The following FREM1 variants were observed in gnomAD, a reference collection of about 807,000 sequenced individuals.
FREM1 encodes the protein FRAS1 related extracellular matrix 1.
Under a neutral mutation model 210.1 loss-of-function variants are expected in FREM1, and 220 were observed. That is an observed-to-expected ratio of 1.05 (90% CI 0.94 to 1.17). The LOEUF is 1.17. Ranked by LOEUF, FREM1 falls within the 50% of genes most tolerant of loss-of-function variation. The pLI is 0.00. For missense variants in FREM1, 3,454 were observed against 2,675.5 expected (o/e 1.29, Z -6.42); for synonymous variants, 1,189 against 980.2 (o/e 1.21, Z -3.98).
At chr9:14,834,938 A>G (rs1824266151) in intron 10 of FREM1, among the ~76,000 whole-genome samples, 1 of 152,164 alleles carries the variant, frequency 6.6e-6, no homozygotes, top group Non-Finnish European at 1.5e-5. Flanking sequence ...TTCACAGACA[A>G]TTGTTGTCTT....
In FREM1 at chr9:14,747,387, G is replaced by C. The variant is rs755712880; in HGVS notation, c.5886C>G (p.Phe1962Leu). 2 of 1,613,474 alleles carry C rather than the reference G, an allele frequency of 1.2e-6. No individual in the cohort carries two copies. Among genetic ancestry groups the C allele is most frequent in the African/African-American group, 2.7e-5 (2 of 74,848 alleles). The change falls in exon 33 of 37, where the codon TTC (phenylalanine) becomes TTG (leucine). Residue 1962 changes from phenylalanine (F) to leucine (L), a missense_variant. Coordinates refer to ENST00000380880, the MANE Select transcript of FREM1 (RefSeq NM_001379081.2). ...CTTTGGCCTTCCTTTTGTGAGTTGG[G>C]AAACTGTCATCCTCCAGTTTCAAGG... ...IVSLKLEDDS[F>L]PTHKRKAKVS...
chr9:14,789,481 C>A (rs1284217674), intron 22 of FREM1, among the ~76,000 whole-genome samples: 1 of 152,120 alleles, frequency 6.6e-6, no homozygotes, highest in Non-Finnish European at 1.5e-5. Flanking sequence ...AAATGTATTT[C>A]TTTCAGAGTT....
intron 24 of FREM1, among the ~76,000 whole-genome samples, chr9:14,783,434 A>G (rs1485589019): frequency 6.6e-6 from 1 of 152,196 alleles, no homozygotes; most frequent in African/African-American, 2.4e-5. Context: ...TGAAAATTGC[A>G]CCAGGAACCA....
intron 1 of FREM1, among the ~76,000 whole-genome samples, chr9:14,907,606 C>A (rs1817999248): frequency 1.3e-5 from 2 of 152,160 alleles, no homozygotes; most frequent in Admixed American, 1.3e-4. Flanking sequence ...CAGGGAGTTA[C>A]GGGATCCCAT....
At chr9:14,876,052 G>C (rs1833657753) in intron 1 of FREM1, among the ~76,000 whole-genome samples, 1 of 152,152 alleles carries the variant, frequency 6.6e-6, no homozygotes, top group Admixed American at 6.5e-5. Context: ...TCTCAGAGGA[G>C]TACCCGGCCG....
At chr9:14,799,400 A>C (rs1445879220) in intron 20 of FREM1, among the ~76,000 whole-genome samples, 1 of 152,194 alleles carries the variant, frequency 6.6e-6, no homozygotes, top group East Asian at 1.9e-4. Flanking sequence ...TTTTTAAAAA[A>C]TGTAGCCATA....
At chr9:14,909,201 A>T (rs1818310900) in intron 1 of FREM1, among the ~76,000 whole-genome samples, 1 of 152,230 alleles carries the variant, frequency 6.6e-6, no homozygotes, top group Admixed American at 6.5e-5. Flanking sequence ...TTAAAAAAAA[A>T]TCAGAAACTA....
In FREM1 at chr9:14,857,702, A is replaced by C. The variant is rs775677941; in HGVS notation, c.679T>G (p.Leu227Val). The C allele has an allele frequency of 1.2e-6, 2 of 1,613,368 alleles. No homozygotes were observed. The highest frequency in any genetic ancestry group is 2.2e-5 in the East Asian group (1 of 44,878). Residue 227 changes from leucine (L) to valine (V), a missense_variant, in exon 5 of 37, where the codon TTA becomes GTA. Transcript: ENST00000380880. ...ACTTTGAGGCTTCCTATTTTCTTTA[A>C]TCCTGGGGTACAGCTCCCACCTGGA... ...KCPGGSCTPG[L>V]KKIGSLKVSC...
chr9:14,886,317 C>T (rs972900756), intron 1 of FREM1, among the ~76,000 whole-genome samples: 56 of 119,092 alleles, frequency 4.7e-4, no homozygotes, highest in African/African-American at 1.8e-3. Context: ...ACCCTGGAGG[C>T]GGAGGTTGCA....
intron 10 of FREM1, among the ~76,000 whole-genome samples, chr9:14,830,734 C>T (rs900732907): frequency 2.0e-5 from 3 of 152,140 alleles, no homozygotes; most frequent in Admixed American, 1.3e-4. Flanking sequence ...AACCACTCCA[C>T]GTGTGTCCGT....
intron 9 of FREM1, 112 bp from the exon 10 acceptor site, chr9:14,841,701 C>CTAG: frequency 1.5e-6 from 1 of 651,980 alleles, no homozygotes; most frequent in Non-Finnish European, 2.4e-6. Flanking sequence ...ATTCTATGTA[C>CTAG]CCAAGGAATC....
At position 14,856,337 on chromosome 9, in the gene FREM1, T is replaced by C. The variant is rs117742304; in HGVS notation, c.828+1216A>G. Among the ~76,000 whole-genome samples the C allele has an allele frequency of 2.7e-4, 41 of 152,346 alleles. No homozygotes were observed. In the East Asian group the frequency reaches 7.9e-3, roughly 29 times the overall value. ...ACTCAGAAATTTATCCTTGAAAAGC[T>C]ACCCAAGTGATTTACCTGATCAATT... On this transcript the variant is annotated intron_variant, in intron 5 of 36. Transcript: ENST00000380880.
At chr9:14,840,761 C>T (rs1484073030) in intron 10 of FREM1, among the ~76,000 whole-genome samples, 1 of 152,174 alleles carries the variant, frequency 6.6e-6, no homozygotes, top group Non-Finnish European at 1.5e-5. Context: ...CCAGCCTCTC[C>T]TTTCAAGGAG....
chr9:14,830,699 G>T (rs1823397920), intron 10 of FREM1, among the ~76,000 whole-genome samples: 1 of 151,884 alleles, frequency 6.6e-6, no homozygotes, highest in African/African-American at 2.4e-5. Flanking sequence ...CTTCCTTCTT[G>T]CCTATTAAAT....
rs1287684751 is a variant in FREM1, at chr9:14,801,807, T to A, written c.3539A>T (p.Gln1180Leu). 2 of 1,613,868 alleles carry A rather than the reference T, an allele frequency of 1.2e-6. No individual in the cohort carries two copies. Among genetic ancestry groups the A allele is most frequent in the Non-Finnish European group, 1.7e-6 (2 of 1,179,896 alleles). The part of the protein sequence containing the change: ...IISAVDLDIP[Q>L]DALLFSITQK... ...AGTGATGCTGAACAGCAGGGCATCC[T>A]GGGGAATGTCCAGGTCCACAGCGCT... is the stretch of plus-strand genomic sequence containing the variant. Residue 1180 changes from glutamine to leucine, a missense_variant, in exon 20 of 37, where the codon CAG (glutamine) becomes CTG (leucine). By Grantham distance (113) the Gln-to-Leu change is moderately radical. Coordinates refer to ENST00000380880, the MANE Select transcript of FREM1 (RefSeq NM_001379081.2).
intron 16 of FREM1, among the ~76,000 whole-genome samples, chr9:14,811,641 G>A (rs1819430322): frequency 1.3e-5 from 2 of 152,172 alleles, no homozygotes; most frequent in African/African-American, 2.4e-5. Flanking sequence ...GTCTGGTGAA[G>A]TGATTAAAAT....
At chr9:14,909,533 A>C (rs1197804658) in intron 1 of FREM1, among the ~76,000 whole-genome samples, 1 of 152,234 alleles carries the variant, frequency 6.6e-6, no homozygotes, top group Non-Finnish European at 1.5e-5. Context: ...CCATGAGGAT[A>C]TTATCTGTTC....
Position 14,789,454 on chromosome 9 carries a change from G to T in FREM1, c.3982-340C>A, listed in dbSNP as rs1040685969. ...GAGGTGGGTAATCGAGCTCTTGGAA[G>T]GGATTCTTTAGAAATTAAATGTATT... On this transcript the variant is annotated intron_variant, in intron 22 of 36. Transcript: ENST00000380880. Among the ~76,000 whole-genome samples the T allele has an allele frequency of 5.3e-5, 8 of 152,104 alleles. No individual in the cohort carries two copies. In the East Asian group the frequency reaches 1.5e-3, roughly 29 times the overall value.
intron 15 of FREM1, among the ~76,000 whole-genome samples, chr9:14,815,541 T>C (rs1290041974): frequency 6.6e-6 from 1 of 152,250 alleles, no homozygotes; most frequent in African/African-American, 2.4e-5. Flanking sequence ...CAGACCTTCT[T>C]TTGTTACCAA....
Sources: allele counts gnomAD v4.1 joint callset (sites outside exome capture counted in the v4.1 genomes callset), GRCh38; gene constraint gnomAD v4.1.1; transcripts MANE v1.5; gene names NCBI Gene and HGNC (gene_info 2026-07-23, HGNC 2026-07-21).